PDK3: variants seen among roughly 807,000 people sequenced by gnomAD.
PDK3 encodes pyruvate dehydrogenase kinase, isozyme 3.
In PDK3, 12 loss-of-function variants were observed where a neutral mutation model predicts 32.0. That is an observed-to-expected ratio of 0.37 (90% CI 0.24 to 0.61). The LOEUF (loss-of-function observed/expected upper bound fraction) is 0.61. Among genes scored for constraint, PDK3 ranks in the 20% least tolerant of loss-of-function variants. PDK3 has a pLI of 0.65. For synonymous variants in PDK3, 122 were observed against 116.3 expected (o/e 1.05, Z -0.31); for missense variants, 188 against 316.9 (o/e 0.59, Z 3.09).
intron 5 of PDK3, among the ~76,000 whole-genome samples, chrX:24,517,210 TTTTG>T (rs758365798): frequency 1.5e-4 from 17 of 111,435 alleles, no homozygotes; most frequent in South Asian, 1.1e-3. Context: ...TAAGGTTGTT[TTTTG>T]TTTGTTTGTT....
chrX:24,493,321 G>T (rs1921617786), intron 1 of PDK3, among the ~76,000 whole-genome samples: 1 of 104,763 alleles, frequency 9.5e-6, no homozygotes, highest in Admixed American at 1.0e-4. Context: ...GATGAGTGGG[G>T]AAGAAAGGTT....
intron 9 of PDK3, among the ~76,000 whole-genome samples, chrX:24,529,172 A>G (rs1478117952): frequency 1.8e-5 from 2 of 111,729 alleles, no homozygotes; most frequent in Non-Finnish European, 3.8e-5. Flanking sequence ...AAAGGAAAAA[A>G]GGCACCACAA....
At chrX:24,474,211 T>C (rs778176695) in intron 1 of PDK3, among the ~76,000 whole-genome samples, 1 of 110,657 alleles carries the variant, frequency 9.0e-6, no homozygotes, top group South Asian at 3.8e-4. Context: ...ATTGTCTCTT[T>C]CCAAAGGGCA....
intron 5 of PDK3, among the ~76,000 whole-genome samples, chrX:24,507,062 G>A (rs1238010848): frequency 9.1e-6 from 1 of 110,362 alleles, no homozygotes; most frequent in African/African-American, 3.3e-5. Flanking sequence ...ACCTGCCTTG[G>A]CCTCCCAAAG....
Position 24,514,252 on chromosome X carries a change from C to T in PDK3, c.596-4681C>T, listed in dbSNP as rs140898141. Among the ~76,000 whole-genome samples, 870 of 111,961 alleles carry T rather than the reference C, an allele frequency of 7.8e-3. 5 individuals are homozygous for T. Among genetic ancestry groups the T allele is most frequent in the Non-Finnish European group, 0.013 (667 of 53,180 alleles). ...GTGTGAACCTTCACCCTGTTCTCAG[C>T]CTTTTAAAATTTTAGTCTAATGCAT... On this transcript the variant is annotated intron_variant, in intron 5 of 10. Transcript: ENST00000379162.
exon 12 of PDK3, chrX:24,548,461 G>T (rs768532747): frequency 8.9e-6 from 1 of 112,274 alleles, no homozygotes; most frequent in Non-Finnish European, 1.9e-5. Flanking sequence ...CCTAAAAGTG[G>T]CTTCTTAATT....
chrX:24,508,287 G>A (rs753883340), intron 5 of PDK3, among the ~76,000 whole-genome samples: 3 of 110,990 alleles, frequency 2.7e-5, no homozygotes, highest in Admixed American at 9.6e-5. Flanking sequence ...ACAGCAAGGG[G>A]AAAATCTGCC....
chrX:24,498,404 C>T (rs1921770165), intron 2 of PDK3, among the ~76,000 whole-genome samples: 3 of 111,491 alleles, frequency 2.7e-5, no homozygotes, highest in African/African-American at 9.8e-5. Flanking sequence ...AGAATAGCTG[C>T]AGCAGTTCCA....
chrX:24,475,656 C>T (rs186266492), intron 1 of PDK3, among the ~76,000 whole-genome samples: 1 of 107,732 alleles, frequency 9.3e-6, no homozygotes, highest in East Asian at 2.9e-4. Context: ...AAGACCATGT[C>T]TCAAAAAAAG....
Position 24,534,214 on chromosome X carries a change from G to T in PDK3, c.*142G>T, listed in dbSNP as rs190094359. On this transcript the variant is annotated 3_prime_UTR_variant, in exon 11 of 11. Coordinates refer to ENST00000379162, the MANE Select transcript of PDK3 (RefSeq NM_005391.5). ...GCCTGCCATCAATTTTATTTAAAAA[G>T]CAATTAAGTTTGCAGTTTGTCCTCA... 1 of 970,880 alleles carries T rather than the reference G, an allele frequency of 1.0e-6. No homozygotes were observed. The highest frequency in any genetic ancestry group is 2.0e-5 in the African/African-American group (1 of 50,859). 80.0% of individuals were successfully genotyped at this position (970,880 alleles called of 1,213,427 possible). A position where few individuals can be genotyped will look rare whatever the true frequency, so the allele number is the denominator to read the frequency against.
intron 2 of PDK3, among the ~76,000 whole-genome samples, chrX:24,495,847 C>T (rs1486130199): frequency 2.7e-5 from 3 of 112,129 alleles, no homozygotes; most frequent in African/African-American, 9.7e-5. Context: ...AGGTCCCGTC[C>T]TAAGTCACCA....
chrX:24,484,156 C>T (rs1921337940), intron 1 of PDK3, among the ~76,000 whole-genome samples: 1 of 110,619 alleles, frequency 9.0e-6, no homozygotes, highest in Non-Finnish European at 1.9e-5. Flanking sequence ...GGACTACAGG[C>T]ACGTGCCACC....
At chrX:24,506,802 T>C (rs1015890666) in intron 5 of PDK3, among the ~76,000 whole-genome samples, 1 of 34,976 alleles carries the variant, frequency 2.9e-5, no homozygotes, top group Non-Finnish European at 4.9e-5. Context: ...TTTTTCTTTC[T>C]TTTTTTTTTT....
intron 4 of PDK3, 54 bp downstream of exon 4, chrX:24,503,565 C>A: frequency 1.1e-6 from 1 of 883,927 alleles, no homozygotes. Context: ...GTGATTTCTC[C>A]CAAATGTTTT....
intron 6 of PDK3, among the ~76,000 whole-genome samples, chrX:24,520,335 A>G (rs533995556): frequency 1.4e-4 from 16 of 112,317 alleles, no homozygotes; most frequent in Non-Finnish European, 3.0e-4. Context: ...TGGTACACCC[A>G]TTAGATAGAA....
downstream of PDK3, among the ~76,000 whole-genome samples, chrX:24,536,436 G>A (rs1922779774): frequency 9.0e-6 from 1 of 110,741 alleles, no homozygotes; most frequent in East Asian, 2.8e-4. Flanking sequence ...CATCAAATAA[G>A]GCCATTTAGG....
At chrX:24,544,839 C>G (rs1922964074) in exon 12 of PDK3, among the ~76,000 whole-genome samples, 1 of 111,997 alleles carries the variant, frequency 8.9e-6, no homozygotes, top group Non-Finnish European at 1.9e-5. Flanking sequence ...TTTCAGCAGT[C>G]CAGATGCTTA....
intron 6 of PDK3, among the ~76,000 whole-genome samples, 153 bp downstream of exon 6, chrX:24,519,163 A>G (rs1922332737): frequency 9.0e-6 from 1 of 111,070 alleles, no homozygotes; most frequent in Non-Finnish European, 1.9e-5. Context: ...TCAACCAGAT[A>G]TATTATTGTA....
chrX:24,490,068 C>T (rs1921513334), intron 1 of PDK3, among the ~76,000 whole-genome samples: 1 of 111,991 alleles, frequency 8.9e-6, no homozygotes, highest in East Asian at 2.8e-4. Flanking sequence ...GCATCATCAG[C>T]GTCATTAGTG....
Sources: allele counts gnomAD v4.1 joint callset (sites outside exome capture counted in the v4.1 genomes callset), GRCh38; gene constraint gnomAD v4.1.1; transcripts MANE v1.5; gene names NCBI Gene and HGNC (gene_info 2026-07-23, HGNC 2026-07-21).